Variants in PTPRD observed in about 807,000 individuals in gnomAD.
PTPRD encodes protein tyrosine phosphatase receptor type D.
PTPRD carries 34 observed loss-of-function variants against 214.5 expected under a neutral mutation model. That is an observed-to-expected ratio of 0.16 (90% CI 0.12 to 0.21). The LOEUF is 0.21. Ranked by LOEUF, PTPRD falls within the 10% of genes least tolerant of loss-of-function variation. PTPRD has a pLI of 1.00. For missense variants in PTPRD, 2,545 were observed against 2,398.7 expected, an observed-to-expected ratio of 1.06 and a Z score of -1.27; for synonymous variants, 1,128 against 845.7, an observed-to-expected ratio of 1.33 and a Z score of -5.79.
At chr9:9,304,631 A>G (rs1956532163) in intron 9 of PTPRD, among the ~76,000 whole-genome samples, 1 of 151,602 alleles carries the variant, frequency 6.6e-6, no homozygotes, top group African/African-American at 2.4e-5. Flanking sequence ...AAATATTAGT[A>G]TCTTATTTTC....
chr9:8,418,131 G>C (rs1014132830), intron 35 of PTPRD, among the ~76,000 whole-genome samples: 141 of 152,118 alleles, frequency 9.3e-4, no homozygotes, highest in African/African-American at 2.8e-3. Context: ...CCAGCCTTTG[G>C]CTCTGTTTTC....
At chr9:10,534,401 T>G (rs1169128616) in intron 2 of PTPRD, among the ~76,000 whole-genome samples, 1 of 152,062 alleles carries the variant, frequency 6.6e-6, no homozygotes, top group East Asian at 1.9e-4. Context: ...TTAATTTAAA[T>G]ATAATAGTGT....
intron 8 of PTPRD, among the ~76,000 whole-genome samples, chr9:9,449,408 C>G (rs1310975930): frequency 7.4e-6 from 1 of 135,694 alleles, no homozygotes; most frequent in Non-Finnish European, 1.7e-5. Flanking sequence ...ATTCAAATTG[C>G]TATATATATA....
intron 7 of PTPRD, among the ~76,000 whole-genome samples, chr9:9,655,451 C>A (rs1371464438): frequency 4.6e-5 from 7 of 151,680 alleles, no homozygotes; most frequent in African/African-American, 7.3e-5. Context: ...TGTTTGTGGT[C>A]CCAGCTACAC....
chr9:10,301,636 T>C (rs567858502), intron 3 of PTPRD, among the ~76,000 whole-genome samples: 12 of 151,836 alleles, frequency 7.9e-5, no homozygotes, highest in East Asian at 1.9e-4. Context: ...CAAGTATCAA[T>C]AGCCAAACTG....
chr9:10,205,487 C>A (rs750768581), intron 3 of PTPRD, among the ~76,000 whole-genome samples: 3 of 151,786 alleles, frequency 2.0e-5, no homozygotes, highest in Non-Finnish European at 4.4e-5. Flanking sequence ...CTCACTGCAA[C>A]CTCCACCTCC....
chr9:10,426,029 C>G (rs184754788), intron 2 of PTPRD, among the ~76,000 whole-genome samples: 1 of 151,948 alleles, frequency 6.6e-6, no homozygotes. Flanking sequence ...ATAAATACCA[C>G]TCTATAAAAA....
chr9:10,107,592 A>T (rs1229956813), intron 3 of PTPRD, among the ~76,000 whole-genome samples: 1 of 152,046 alleles, frequency 6.6e-6, no homozygotes, highest in African/African-American at 2.4e-5. Context: ...TGTTATGAGG[A>T]TACACAACAT....
At chr9:9,587,892 G>A (rs866303957) in intron 7 of PTPRD, among the ~76,000 whole-genome samples, 3 of 151,992 alleles carry the variant, frequency 2.0e-5, no homozygotes, top group Middle Eastern at 6.8e-3. Context: ...TTGATTAATA[G>A]GTATAAACAC....
chr9:10,207,956 A>G (rs1419744718), intron 3 of PTPRD, among the ~76,000 whole-genome samples: 2 of 152,192 alleles, frequency 1.3e-5, no homozygotes, highest in Non-Finnish European at 2.9e-5. Context: ...ACACATTCAG[A>G]GTTGTTTCCT....
intron 3 of PTPRD, among the ~76,000 whole-genome samples, chr9:10,200,878 G>A (rs1035252308): frequency 3.3e-5 from 5 of 152,038 alleles, no homozygotes. Context: ...AGAAGAACCA[G>A]GAAACTAAGT....
intron 8 of PTPRD, among the ~76,000 whole-genome samples, chr9:9,428,253 A>G (rs576633984): frequency 9.4e-4 from 143 of 152,288 alleles, no homozygotes; most frequent in African/African-American, 3.4e-3. Flanking sequence ...AAAAGCAGGG[A>G]TTGCAATCCT....
At chr9:9,935,334 G>T (rs7044763) in intron 5 of PTPRD, among the ~76,000 whole-genome samples, 14 of 151,368 alleles carry the variant, frequency 9.2e-5, no homozygotes, top group African/African-American at 2.9e-4. Flanking sequence ...CCCCATCATC[G>T]TCTCAGCCCA....
At chr9:9,214,354 T>A (rs1045320777) in intron 9 of PTPRD, among the ~76,000 whole-genome samples, 2 of 152,240 alleles carry the variant, frequency 1.3e-5, no homozygotes, top group Admixed American at 6.5e-5. Context: ...ACAAATTGCA[T>A]TTTCAGCATT....
At chr9:10,131,042 A>G (rs1361782890) in intron 3 of PTPRD, among the ~76,000 whole-genome samples, 2 of 152,204 alleles carry the variant, frequency 1.3e-5, no homozygotes, top group African/African-American at 4.8e-5. Flanking sequence ...TACTAGTGTC[A>G]AGCAGCACAA....
chr9:10,205,206 A>G (rs910008878), intron 3 of PTPRD, among the ~76,000 whole-genome samples: 3 of 151,988 alleles, frequency 2.0e-5, no homozygotes, highest in Non-Finnish European at 4.4e-5. Context: ...TGTAGGATTT[A>G]TCTTTAAAGT....
intron 8 of PTPRD, among the ~76,000 whole-genome samples, chr9:9,424,621 A>C (rs2080122657): frequency 6.6e-6 from 1 of 152,182 alleles, no homozygotes. Context: ...AAACGGTGAA[A>C]GGCTAAGGGT....
At chr9:9,876,676 A>G (rs1003233691) in intron 5 of PTPRD, among the ~76,000 whole-genome samples, 6 of 152,122 alleles carry the variant, frequency 3.9e-5, no homozygotes, top group Non-Finnish European at 8.8e-5. Context: ...TTTTACACAT[A>G]TTTGTCATTT....
intron 3 of PTPRD, among the ~76,000 whole-genome samples, chr9:10,253,536 A>G (rs2092977604): frequency 6.6e-6 from 1 of 152,256 alleles, no homozygotes; most frequent in Non-Finnish European, 1.5e-5. Flanking sequence ...TCCTCCAATT[A>G]AAACATAGTA....
Sources: allele counts gnomAD v4.1 joint callset (sites outside exome capture counted in the v4.1 genomes callset), GRCh38; gene constraint gnomAD v4.1.1; transcripts MANE v1.5; gene names NCBI Gene and HGNC (gene_info 2026-07-23, HGNC 2026-07-21).